The following USPL1 variants were observed in gnomAD, a reference collection of about 807,000 sequenced individuals.
The protein encoded by USPL1 is SUMO-specific isopeptidase USPL1.
A neutral mutation model predicts 51.5 loss-of-function variants in USPL1; 27 were observed. That is an observed-to-expected ratio of 0.52 (90% CI 0.39 to 0.72). USPL1 has a LOEUF of 0.72. Among genes scored for constraint, USPL1 ranks in the 30% least tolerant of loss-of-function variants. The pLI is 0.00. For missense variants in USPL1, 1,226 were observed against 1,268.0 expected (o/e 0.97, Z 0.50); for synonymous variants, 451 against 459.6 (o/e 0.98, Z 0.24).
At chr13:30,619,945 G>T (rs1351363510) in intron 1 of USPL1, among the ~76,000 whole-genome samples, 1 of 152,224 alleles carries the variant, frequency 6.6e-6, no homozygotes, top group African/African-American at 2.4e-5. Flanking sequence ...GGTCAGTGAC[G>T]CTGCTAAACA....
Position 30,658,915 on chromosome 13 carries a change from T to A in USPL1, c.2838T>A (p.Ile946=), listed in dbSNP as rs1315403727. 1 of 1,614,194 alleles carries A rather than the reference T, an allele frequency of 6.2e-7. No individual in the cohort carries two copies. The highest frequency in any genetic ancestry group is 2.2e-5 in the East Asian group (1 of 44,888). ...EDLLNELPYP[I]DIASESACTT... The stretch of plus-strand genomic sequence containing the variant: ...TGTTAAATGAGCTACCATATCCAAT[T>A]GATATTGCCAGTGAGTCTGCATGCA... Residue 946 remains isoleucine, a synonymous_variant, in exon 9 of 9, where the codon ATT becomes ATA. Transcript: ENST00000255304.
intron 7 of USPL1, among the ~76,000 whole-genome samples, chr13:30,647,679 A>G (rs1038258268): frequency 1.3e-5 from 2 of 152,134 alleles, no homozygotes; most frequent in East Asian, 1.9e-4. Context: ...GCACTCACAC[A>G]TGTACACAAC....
chr13:30,657,458 C>A lies in USPL1; in HGVS notation c.1397-16C>A, dbSNP rs762073780. On this transcript the variant is annotated splice_polypyrimidine_tract_variant and intron_variant, in intron 8 of 8. Transcript: ENST00000255304. ...GTTTTTGAATATCTAACTTTCACTT[C>A]TTTCCCATCTTCCAGGAAGTTGGCT... is the stretch of plus-strand genomic sequence containing the variant. 6.4e-6 allele frequency: 10 copies of A among 1,560,832 alleles called. No individual in the cohort carries two copies. The highest frequency in any genetic ancestry group is 4.0e-5 in the Admixed American group (2 of 49,532).
At chr13:30,648,125 G>A (rs1434753637) in intron 7 of USPL1, among the ~76,000 whole-genome samples, 1 of 152,150 alleles carries the variant, frequency 6.6e-6, no homozygotes, top group Non-Finnish European at 1.5e-5. Flanking sequence ...CTCGGTGTTT[G>A]CATTGTTATT....
At chr13:30,653,575 T>G (rs1367903930) in intron 8 of USPL1, among the ~76,000 whole-genome samples, 3 of 152,176 alleles carry the variant, frequency 2.0e-5, no homozygotes, top group African/African-American at 7.2e-5. Flanking sequence ...AGGATGAGAT[T>G]ACTACTGTTA....
intron 1 of USPL1, among the ~76,000 whole-genome samples, chr13:30,620,099 T>TCAAAA (rs1950628578): frequency 1.3e-5 from 2 of 152,234 alleles, no homozygotes; most frequent in Admixed American, 6.5e-5. Context: ...AAAAGCAGTT[T>TCAAAA]TATTTTTGAA....
At chr13:30,638,214 G>A (rs112463659) in intron 5 of USPL1, among the ~76,000 whole-genome samples, 193 of 152,304 alleles carry the variant, frequency 1.3e-3, no homozygotes, top group African/African-American at 4.5e-3. Context: ...AAAAGTAAAT[G>A]CCAATGCTGG....
intron 3 of USPL1, among the ~76,000 whole-genome samples, chr13:30,626,345 TAAATC>T (rs929279344): frequency 4.0e-5 from 6 of 150,858 alleles, no homozygotes; most frequent in South Asian, 2.1e-4. Flanking sequence ...AATAAATAAA[TAAATC>T]AAAAGAAGAA....
In USPL1 at chr13:30,631,738, G is replaced by A. The variant is rs148600586; in HGVS notation, c.868+264G>A. 4.6e-5 allele frequency among the ~76,000 whole-genome samples: 7 copies of A among 152,208 alleles called. No homozygotes were observed. The South Asian group carries it at 6.2e-4, about 14-fold the overall frequency. ...TTTCCTGGGTGCAAGCACCCTTCCC[G>A]CCTCAGCCTCCCAAAGTGCTGGGAT... On this transcript the variant is annotated intron_variant, in intron 4 of 8. Transcript: ENST00000255304.
At chr13:30,646,356 T>TG (rs560856795) in intron 6 of USPL1, among the ~76,000 whole-genome samples, 71 of 119,598 alleles carry the variant, frequency 5.9e-4, no homozygotes, top group East Asian at 3.8e-3. Context: ...TGTGTGTGTG[T>TG]TTTTTTTTTA....
chr13:30,638,772 T>TA (rs1324898339), intron 5 of USPL1, among the ~76,000 whole-genome samples: 3 of 151,190 alleles, frequency 2.0e-5, no homozygotes, highest in African/African-American at 7.3e-5. Flanking sequence ...TAACTTATAT[T>TA]AAAAAATGAT....
chr13:30,623,855 G>A (rs1950676200), intron 3 of USPL1, among the ~76,000 whole-genome samples: 1 of 152,182 alleles, frequency 6.6e-6, no homozygotes, highest in Admixed American at 6.5e-5. Context: ...GAGGTGGTAT[G>A]CTTAGAGGAA....
At chr13:30,646,060 T>A (rs1196411577) in intron 6 of USPL1, among the ~76,000 whole-genome samples, 3 of 152,246 alleles carry the variant, frequency 2.0e-5, no homozygotes, top group Non-Finnish European at 4.4e-5. Flanking sequence ...TATGTTGCTT[T>A]GCTTTTAAAA....
intron 8 of USPL1, among the ~76,000 whole-genome samples, chr13:30,654,345 TTC>T (rs375597268): frequency 1.3e-4 from 19 of 149,840 alleles, no homozygotes; most frequent in East Asian, 3.9e-4. Flanking sequence ...CTCTCTCTCA[TTC>T]TCTCTCTCTC....
chr13:30,621,639 A>G lies in USPL1; in HGVS notation c.100-125A>G, dbSNP rs1305445226. The G allele has an allele frequency of 4.1e-6, 3 of 728,210 alleles. No individual in the cohort carries two copies. In the East Asian group the frequency reaches 1.0e-4, roughly 25 times the overall value. 45.1% of individuals were successfully genotyped at this position (728,210 alleles called of 1,614,324 possible). On this transcript the variant is annotated intron_variant, in intron 2 of 8. Transcript: ENST00000255304. The stretch of plus-strand genomic sequence containing the variant: ...ATTTCTTTTGTTTGCCATGTTTAAA[A>G]TACCTTGTCAGGATACTTGTAATTG...
intron 8 of USPL1, among the ~76,000 whole-genome samples, chr13:30,656,708 G>A (rs545652666): frequency 1.3e-4 from 20 of 152,246 alleles, no homozygotes; most frequent in South Asian, 4.1e-4. Flanking sequence ...GGGTCTTAAC[G>A]GTAATTCTGT....
chr13:30,657,321 A>G (rs1951176907), intron 8 of USPL1, among the ~76,000 whole-genome samples, 153 bp from the exon 9 acceptor site: 1 of 152,242 alleles, frequency 6.6e-6, no homozygotes, highest in African/African-American at 2.4e-5. Flanking sequence ...GGACTTTAAC[A>G]TGGCAGACAA....
At chr13:30,651,033 G>C (rs1356449217) in intron 7 of USPL1, among the ~76,000 whole-genome samples, 1 of 151,610 alleles carries the variant, frequency 6.6e-6, no homozygotes, top group Non-Finnish European at 1.5e-5. Flanking sequence ...CATAGTTACA[G>C]AAAGTAGTAT....
chr13:30,634,628 G>T (rs1012214919), intron 4 of USPL1, among the ~76,000 whole-genome samples: 1 of 152,202 alleles, frequency 6.6e-6, no homozygotes. Flanking sequence ...GGACAGTGGG[G>T]TTTTTTTGCC....
Sources: allele counts gnomAD v4.1 joint callset (sites outside exome capture counted in the v4.1 genomes callset), GRCh38; gene constraint gnomAD v4.1.1; transcripts MANE v1.5; gene names NCBI Gene and HGNC (gene_info 2026-07-23, HGNC 2026-07-21).